The following PDGFRL variants were observed in gnomAD, a reference collection of about 807,000 sequenced individuals.
PDGFRL encodes platelet derived growth factor receptor like.
PDGFRL carries 46 observed loss-of-function variants against 37.2 expected under a neutral mutation model. That is an observed-to-expected ratio of 1.24 (90% CI 0.98 to 1.58). The LOEUF is 1.58. PDGFRL is among the 40% of genes most tolerant of loss of function. PDGFRL has a pLI of 0.00. For missense variants in PDGFRL, 692 were observed against 467.6 expected, an observed-to-expected ratio of 1.48 and a Z score of -4.43; for synonymous variants, 251 against 184.3, an observed-to-expected ratio of 1.36 and a Z score of -2.93.
chr8:17,590,830 GA>G (rs1383096420), intron 2 of PDGFRL, among the ~76,000 whole-genome samples: 21 of 151,850 alleles, frequency 1.4e-4, no homozygotes, highest in Admixed American at 3.3e-4. Flanking sequence ...TGAGCAACTT[GA>G]CCAGATATCA....
At chr8:17,641,133 A>G (rs1805083686) in intron 5 of PDGFRL, among the ~76,000 whole-genome samples, 1 of 152,180 alleles carries the variant, frequency 6.6e-6, no homozygotes, top group African/African-American at 2.4e-5. Flanking sequence ...CCCTGCCAAC[A>G]GCACCGAGTT....
At chr8:17,641,096 C>T (rs1805082745) in intron 5 of PDGFRL, among the ~76,000 whole-genome samples, 1 of 152,106 alleles carries the variant, frequency 6.6e-6, no homozygotes. Context: ...CCCACGTAGC[C>T]CAAAGGGCCG....
At chr8:17,628,922 T>TC in intron 4 of PDGFRL, 142 bp downstream of exon 4, 1 of 633,420 alleles carries the variant, frequency 1.6e-6, no homozygotes, top group Non-Finnish European at 2.7e-6. Context: ...TGTTTTTTTT[T>TC]CTCTTTTTTC....
intron 5 of PDGFRL, among the ~76,000 whole-genome samples, chr8:17,640,107 G>A (rs1192822626): frequency 3.3e-5 from 5 of 152,174 alleles, no homozygotes; most frequent in African/African-American, 1.2e-4. Flanking sequence ...TTCTCTAAGT[G>A]TGTTCTTCAT....
At chr8:17,619,072 C>T (rs1374555399) in intron 2 of PDGFRL, among the ~76,000 whole-genome samples, 1 of 152,166 alleles carries the variant, frequency 6.6e-6, no homozygotes, top group Admixed American at 6.5e-5. Context: ...GACCAACTCA[C>T]CTGACATTTT....
chr8:17,636,703 C>A (rs539664474), intron 5 of PDGFRL, among the ~76,000 whole-genome samples: 1 of 151,942 alleles, frequency 6.6e-6, no homozygotes, highest in South Asian at 2.1e-4. Flanking sequence ...GATTGCTTTT[C>A]GCAGTATGGT....
intron 2 of PDGFRL, among the ~76,000 whole-genome samples, chr8:17,607,499 C>T (rs941675225): frequency 6.6e-6 from 1 of 152,126 alleles, no homozygotes; most frequent in African/African-American, 2.4e-5. Context: ...ATGTGTTGCA[C>T]AGAATTAAAA....
At chr8:17,608,857 T>C (rs567894127) in intron 2 of PDGFRL, among the ~76,000 whole-genome samples, 1 of 152,102 alleles carries the variant, frequency 6.6e-6, no homozygotes, top group East Asian at 1.9e-4. Flanking sequence ...AATGGAATCA[T>C]TGTGTAAGTG....
chr8:17,595,672 A>G (rs2588144), intron 2 of PDGFRL, among the ~76,000 whole-genome samples: 132,292 of 152,076 alleles, frequency 0.87, 60,112 homozygotes, highest in Non-Finnish European at 1. Flanking sequence ...CTTCCCTACT[A>G]CCCGCCCCTT....
Position 17,577,236 on chromosome 8 carries a change from G to T in PDGFRL, c.-17G>T, listed in dbSNP as rs774820043. 1 of 1,611,070 alleles carries T rather than the reference G, an allele frequency of 6.2e-7. No individual in the cohort carries two copies. ...CAGCCGCCGCGCTCCTGCGCTCCGA[G>T]GTCCGAGGTTCCCGAGATGAAGGTC... On this transcript the variant is annotated 5_prime_UTR_variant, in exon 1 of 6. In the 5' UTR this introduces an upstream ATG that the reference lacks. Coordinates refer to ENST00000251630, the MANE Select transcript of PDGFRL (RefSeq NM_001372073.1).
chr8:17,633,190 A>C (rs528744404), intron 4 of PDGFRL, among the ~76,000 whole-genome samples: 3 of 152,250 alleles, frequency 2.0e-5, no homozygotes, highest in Non-Finnish European at 4.4e-5. Context: ...GCACTATGGG[A>C]GGTCAAGGCA....
intron 2 of PDGFRL, among the ~76,000 whole-genome samples, chr8:17,595,832 G>A (rs963734258): frequency 2.6e-5 from 4 of 152,312 alleles, no homozygotes; most frequent in South Asian, 4.1e-4. Flanking sequence ...CCTGCCCTTC[G>A]AGGCTGAGCC....
chr8:17,634,482 T>G (rs1037369198), intron 5 of PDGFRL, among the ~76,000 whole-genome samples: 12 of 136,532 alleles, frequency 8.8e-5, no homozygotes, highest in Admixed American at 3.6e-4. Context: ...CATATGCAGG[T>G]TTTTTTTTTT....
intron 2 of PDGFRL, among the ~76,000 whole-genome samples, chr8:17,616,252 T>C (rs1343121009): frequency 6.6e-6 from 1 of 152,102 alleles, no homozygotes; most frequent in Non-Finnish European, 1.5e-5. Flanking sequence ...CGGAGTGCAG[T>C]GCCGCAATCT....
At chr8:17,615,470 C>A (rs1804504419) in intron 2 of PDGFRL, among the ~76,000 whole-genome samples, 1 of 152,160 alleles carries the variant, frequency 6.6e-6, no homozygotes, top group African/African-American at 2.4e-5. Flanking sequence ...CTGTGTGACA[C>A]TAGATTAGAT....
intron 2 of PDGFRL, among the ~76,000 whole-genome samples, chr8:17,594,068 T>G (rs1180986427): frequency 6.6e-6 from 1 of 151,998 alleles, no homozygotes; most frequent in African/African-American, 2.4e-5. Context: ...ACTGGCTGTT[T>G]CTATGAGTTT....
At chr8:17,611,796 G>C (rs1368329481) in intron 2 of PDGFRL, among the ~76,000 whole-genome samples, 1 of 152,216 alleles carries the variant, frequency 6.6e-6, no homozygotes, top group Admixed American at 6.5e-5. Flanking sequence ...GTGATGAAAG[G>C]CATCTGAAGG....
chr8:17,596,022 G>A (rs1257832331), intron 2 of PDGFRL, among the ~76,000 whole-genome samples: 1 of 152,218 alleles, frequency 6.6e-6, no homozygotes, highest in East Asian at 1.9e-4. Flanking sequence ...GACAAGAGGA[G>A]GTGGGTGGGG....
intron 2 of PDGFRL, among the ~76,000 whole-genome samples, chr8:17,592,510 A>C (rs2588149): frequency 6.6e-6 from 1 of 151,958 alleles, no homozygotes; most frequent in Non-Finnish European, 1.5e-5. Context: ...ATGGCAGTGA[A>C]GCCCTCGCTG....
Sources: gnomAD v4.1 joint callset for allele counts (sites outside exome capture counted in the v4.1 genomes callset) on GRCh38, gnomAD v4.1.1 for gene constraint, MANE v1.5 for transcripts, NCBI Gene and HGNC (gene_info 2026-07-23, HGNC 2026-07-21) for gene names.